ABAT: variants seen among roughly 807,000 people sequenced by gnomAD.
ABAT encodes 4-aminobutyrate aminotransferase.
A neutral mutation model predicts 64.6 loss-of-function variants in ABAT; 45 were observed. That is an observed-to-expected ratio of 0.70 (90% confidence interval 0.55 to 0.89). The LOEUF is 0.89. Ranked by LOEUF, ABAT falls within the 40% of genes least tolerant of loss-of-function variation. The pLI is 0.00. For synonymous variants in ABAT, 297 were observed against 250.5 expected, an observed-to-expected ratio of 1.19 and a Z score of -1.75; for missense variants, 633 against 658.4, an observed-to-expected ratio of 0.96 and a Z score of 0.42.
At chr16:8,722,105 T>C (rs12596654) in intron 1 of ABAT, among the ~76,000 whole-genome samples, 12,777 of 152,296 alleles carry the variant, frequency 0.084, 1,143 homozygotes, top group East Asian at 0.47. Flanking sequence ...CCCCATGTGA[T>C]GCCAGCCTGC....
intron 3 of ABAT, 36 bp from the exon 4 acceptor site, chr16:8,748,072 G>T (rs773000821): frequency 6.2e-7 from 1 of 1,607,720 alleles, no homozygotes; most frequent in Non-Finnish European, 8.5e-7. Flanking sequence ...CAAGAGTGTG[G>T]ACTTGCTATA....
At chr16:8,766,352 G>C in intron 9 of ABAT, 82 bp downstream of exon 9, 1 of 1,404,892 alleles carries the variant, frequency 7.1e-7, no homozygotes, top group Non-Finnish European at 1.0e-6. Context: ...GGCTGGCACT[G>C]TCCTCAATTA....
intron 4 of ABAT, among the ~76,000 whole-genome samples, chr16:8,749,148 C>T (rs534327080): frequency 6.7e-5 from 10 of 149,978 alleles, no homozygotes; most frequent in Non-Finnish European, 1.5e-4. Context: ...AGTGCAGTGG[C>T]GCAATCTCGG....
chr16:8,697,488 G>C (rs1848430495), intron 1 of ABAT, among the ~76,000 whole-genome samples: 1 of 152,108 alleles, frequency 6.6e-6, no homozygotes, highest in Admixed American at 6.6e-5. Context: ...CAGGAAGAGA[G>C]GATGATCTGG....
intron 1 of ABAT, among the ~76,000 whole-genome samples, chr16:8,719,813 C>G (rs532733691): frequency 1.3e-5 from 2 of 152,244 alleles, no homozygotes; most frequent in South Asian, 4.1e-4. Context: ...TTTTTGTTTA[C>G]TCGTTTACTT....
At chr16:8,708,666 A>T (rs1374211719) in intron 1 of ABAT, among the ~76,000 whole-genome samples, 1 of 152,232 alleles carries the variant, frequency 6.6e-6, no homozygotes, top group Non-Finnish European at 1.5e-5. Flanking sequence ...AATGTTACAG[A>T]CACATGACTG....
At chr16:8,774,802 G>C in intron 12 of ABAT, 88 bp from the exon 13 acceptor site, 1 of 1,528,116 alleles carries the variant, frequency 6.5e-7, no homozygotes, top group South Asian at 1.1e-5. Context: ...TGTGGACCCA[G>C]GGTTTGGCAG....
intron 5 of ABAT, among the ~76,000 whole-genome samples, chr16:8,752,194 C>T (rs548192474): frequency 4.6e-5 from 7 of 152,314 alleles, no homozygotes; most frequent in South Asian, 4.1e-4. Flanking sequence ...AGACAGTAAG[C>T]GGATGACTCA....
At chr16:8,739,153 A>G (rs559145924) in intron 2 of ABAT, among the ~76,000 whole-genome samples, 3 of 152,326 alleles carry the variant, frequency 2.0e-5, no homozygotes, top group African/African-American at 7.2e-5. Flanking sequence ...GTGGCAGTGA[A>G]GAAAGACATG....
intron 1 of ABAT, chr16:8,713,216 G>A (rs1186354201): frequency 6.6e-6 from 1 of 152,266 alleles, no homozygotes; most frequent in Non-Finnish European, 1.5e-5. Context: ...CAGAGTCCTG[G>A]GGAAGCCATT....
intron 11 of ABAT, among the ~76,000 whole-genome samples, chr16:8,769,755 C>T (rs774803339): frequency 2.0e-4 from 31 of 152,106 alleles, no homozygotes; most frequent in Non-Finnish European, 4.1e-4. Flanking sequence ...CCCGTTTCCA[C>T]GTCATCTAAC....
intron 13 of ABAT, among the ~76,000 whole-genome samples, chr16:8,775,674 C>T (rs1328037500): frequency 6.6e-6 from 1 of 152,198 alleles, no homozygotes; most frequent in Middle Eastern, 3.2e-3. Context: ...TCTGATGCTC[C>T]AGCCATCACA....
intron 1 of ABAT, among the ~76,000 whole-genome samples, chr16:8,680,702 AC>A (rs1397333801): frequency 6.6e-6 from 1 of 152,216 alleles, no homozygotes; most frequent in Admixed American, 6.5e-5. Context: ...TGCTGGGATT[AC>A]TGGCATGAGC....
rs1160874357 is a variant in ABAT at position 8,675,008 on chromosome 16, GT to G, written c.-42+298del. Among the ~76,000 whole-genome samples, 8 of 152,122 alleles carry G rather than the reference GT, an allele frequency of 5.3e-5. No homozygotes were observed. In the South Asian group the frequency reaches 8.3e-4, roughly 16 times the overall value. ...TGCGGCCCCAAAAAGTGGTCTCCAG[GT>G]CTCTAGAGCCCCCTCACCTCTTGGG... On this transcript the variant is annotated intron_variant, in intron 1 of 15. Transcript: ENST00000268251.
At chr16:8,763,310 C>T (rs554220252) in intron 6 of ABAT, among the ~76,000 whole-genome samples, 1 of 152,232 alleles carries the variant, frequency 6.6e-6, no homozygotes, top group African/African-American at 2.4e-5. Context: ...CTCAGTTCCC[C>T]CAACTCTACA....
chr16:8,750,672 G>A, intron 5 of ABAT, 133 bp downstream of exon 5: 1 of 815,618 alleles, frequency 1.2e-6, no homozygotes, highest in Admixed American at 1.8e-5. Flanking sequence ...CCCAAGGGTA[G>A]GAAAAAAATA....
chr16:8,721,732 T>G (rs544443576), intron 1 of ABAT, among the ~76,000 whole-genome samples: 14 of 152,336 alleles, frequency 9.2e-5, no homozygotes, highest in South Asian at 6.2e-4. Flanking sequence ...GTTTCCACTT[T>G]CACCTGAATT....
In ABAT at chr16:8,781,564, C is replaced by A. The variant is rs1372879961; in HGVS notation, c.*134C>A. The A allele has an allele frequency of 1.7e-4, 101 of 579,154 alleles. No homozygotes were observed. The highest frequency in any genetic ancestry group is 4.4e-4 in the East Asian group (7 of 15,856). The allele number at this position is 579,154 out of a possible 1,614,324, so 35.9% of individuals were successfully genotyped here. ...TGAAGGGTGATTTGTGGGGAGGGAG[C>A]ATTTTTGGTGGTCTTGGGGGAGGGG... On this transcript the variant is annotated 3_prime_UTR_variant, in exon 16 of 16. Transcript: ENST00000268251. This position sits in a 1 kb window ranked among gnomAD's most constrained non-coding sequence, Gnocchi z 4.5.
intron 1 of ABAT, among the ~76,000 whole-genome samples, chr16:8,724,509 A>G (rs2058476628): frequency 6.6e-6 from 1 of 152,102 alleles, no homozygotes; most frequent in Non-Finnish European, 1.5e-5. Context: ...AGGTGGGAGG[A>G]CTGCTTGAGC....
Sources: gnomAD v4.1 joint callset for allele counts (sites outside exome capture counted in the v4.1 genomes callset) on GRCh38, gnomAD v4.1.1 for gene constraint, Gnocchi (gnomAD v3.1) non-coding constraint, MANE v1.5 for transcripts, NCBI Gene and HGNC (gene_info 2026-07-23, HGNC 2026-07-21) for gene names.